COX11: variants seen among roughly 807,000 people sequenced by gnomAD.
The protein encoded by COX11 is cytochrome c oxidase copper chaperone COX11, also known as cytochrome c oxidase assembly protein COX11, mitochondrial.
Under a neutral mutation model 29.4 loss-of-function variants are expected in COX11, and 18 were observed. That is an observed-to-expected ratio of 0.61 (90% confidence interval 0.42 to 0.91). The LOEUF (loss-of-function observed/expected upper bound fraction) is 0.91, where lower values mean the gene tolerates loss of function less well. Among genes scored for constraint, COX11 ranks in the 40% least tolerant of loss-of-function variants. The pLI, the probability that COX11 is intolerant of heterozygous loss-of-function variation, is 0.00. For missense variants in COX11, 312 were observed against 346.0 expected, an observed-to-expected ratio of 0.90 and a Z score of 0.78; for synonymous variants, 131 against 124.0, an observed-to-expected ratio of 1.06 and a Z score of -0.38.
At chr17:54,963,959 A>C (rs2077176261) in intron 2 of COX11, among the ~76,000 whole-genome samples, 1 of 152,128 alleles carries the variant, frequency 6.6e-6, no homozygotes, top group Admixed American at 6.5e-5. Context: ...ACTTGTACCA[A>C]TTCAGCCACT....
chr17:54,968,380 C>A lies in COX11; in HGVS notation c.267G>T (p.Arg89=), dbSNP rs762747744. The A allele has an allele frequency of 9.9e-6, 16 of 1,613,128 alleles. No homozygotes were observed. In the Admixed American group the frequency reaches 2.7e-4, roughly 27 times the overall value. The change falls in exon 1 of 4, where the codon CGG becomes CGT. Residue 89 remains arginine (R), a synonymous_variant. Coordinates refer to ENST00000299335, the MANE Select transcript of COX11 (RefSeq NM_004375.5). ...PFTRAQEEER[R]RQNKTTLTYV... is the part of the protein sequence containing the mutation. ...AAGTGAGGGTCGTCTTGTTCTGCCGCCGCCGCTCCTCCTCCTGCGCGCGTG... is the reference window on the plus strand; with the variant it reads ...AAGTGAGGGTCGTCTTGTTCTGCCGACGCCGCTCCTCCTCCTGCGCGCGTG...
Position 54,961,214 on chromosome 17 carries a change from ATTTTC to A in COX11, c.*1514_*1518del. 1 of 1,470,754 alleles carries A rather than the reference ATTTTC, an allele frequency of 6.8e-7. No homozygotes were observed. 91.1% of individuals were successfully genotyped at this position (1,470,754 alleles called of 1,614,324 possible). On this transcript the variant is annotated 3_prime_UTR_variant, in exon 4 of 4. Transcript: ENST00000299335. ...GAGAAGGACAGGATGAATACTGGCCATTTTCTTCTCTTTATTTTAGAAGAAAGTGG... is the reference window on the plus strand; with the variant it reads ...GAGAAGGACAGGATGAATACTGGCCATTCTCTTTATTTTAGAAGAAAGTGG...
At chr17:54,967,079 G>A (rs1360211703) in intron 1 of COX11, among the ~76,000 whole-genome samples, 1 of 150,382 alleles carries the variant, frequency 6.6e-6, no homozygotes, top group African/African-American at 2.4e-5. Context: ...CACACGGAAA[G>A]AGTGAACTCC....
intron 1 of COX11, 30 bp downstream of exon 1, chr17:54,968,251 C>T: frequency 6.3e-7 from 1 of 1,596,652 alleles, no homozygotes; most frequent in Non-Finnish European, 8.5e-7. Flanking sequence ...CTCGCGTCTG[C>T]GCCACCCTGC....
Position 54,962,152 on chromosome 17 carries a change from A to G in COX11, c.*581T>C. The G allele has an allele frequency of 1.0e-6, 1 of 957,006 alleles. No individual in the cohort carries two copies. The highest frequency in any genetic ancestry group is 1.2e-6 in the Non-Finnish European group (1 of 803,744). 59.3% of individuals were successfully genotyped at this position (957,006 alleles called of 1,614,324 possible). ...AAAGTAATTATTCAGAACTCTGAAT[A>G]TAAAATAGCCCTAAACCTTAAAGGA... On this transcript the variant is annotated 3_prime_UTR_variant, in exon 4 of 4. Coordinates refer to ENST00000299335, the MANE Select transcript of COX11 (RefSeq NM_004375.5).
chr17:54,968,435 G>A lies in COX11; in HGVS notation c.212C>T (p.Pro71Leu), dbSNP rs11553134. 8 of 1,613,422 alleles carry A rather than the reference G, an allele frequency of 5.0e-6. No homozygotes were observed. In the Admixed American group the frequency reaches 5.0e-5, roughly 10 times the overall value. Residue 71 changes from proline to leucine, a missense_variant, in exon 1 of 4, where the codon CCG becomes CTG. Transcript: ENST00000299335. ...LRARHPALQP[P>L]RRPKSSNPFT... ...AGGGTTCGAGCTCTTAGGCCGCCGCGGCGGCTGCAATGCTGGATGCCGGGC... is the reference window on the plus strand; with the variant it reads ...AGGGTTCGAGCTCTTAGGCCGCCGCAGCGGCTGCAATGCTGGATGCCGGGC...
chr17:54,956,606 G>C (rs1433374731), downstream of COX11, among the ~76,000 whole-genome samples: 1 of 151,928 alleles, frequency 6.6e-6, no homozygotes, highest in East Asian at 1.9e-4. Context: ...ACCGTGCCTA[G>C]CCTTTTAATT....
At chr17:54,956,938 T>C (rs1567848354), downstream of COX11, 2 of 152,210 alleles carry the variant, frequency 1.3e-5, no homozygotes, top group Admixed American at 1.3e-4. Flanking sequence ...TCACATGTTA[T>C]GGTAATGAAG....
downstream of COX11, chr17:54,959,545 GAC>G: frequency 6.6e-6 from 1 of 151,418 alleles, no homozygotes; most frequent in East Asian, 1.9e-4. Flanking sequence ...GTACAGAAAT[GAC>G]AGTGATGAGC....
In COX11 at chr17:54,961,190, A is replaced by T; in HGVS notation, c.*1543T>A. 1 of 1,264,038 alleles carries T rather than the reference A, an allele frequency of 7.9e-7. No homozygotes were observed. Among genetic ancestry groups the T allele is most frequent in the South Asian group, 1.3e-5 (1 of 78,356 alleles). 78.3% of individuals were successfully genotyped at this position (1,264,038 alleles called of 1,614,324 possible). A position where few individuals can be genotyped will look rare whatever the true frequency, so the allele number is the denominator to read the frequency against. ...GAGAGTTATCAAGGAATGGGGAAAG[A>T]GAAGGACAGGATGAATACTGGCCAT... On this transcript the variant is annotated 3_prime_UTR_variant, in exon 4 of 4. Transcript: ENST00000299335.
Position 54,962,618 on chromosome 17 carries a change from A to G in COX11, c.*115T>C. On this transcript the variant is annotated 3_prime_UTR_variant, in exon 4 of 4. Coordinates refer to ENST00000299335, the MANE Select transcript of COX11 (RefSeq NM_004375.5). Reference sequence around the variant, plus strand: ...AGTGAAAAAAATTAGTTGAGAAAAAATAATTATTTAAAATATAAGCCTTCA... The same window carrying G: ...AGTGAAAAAAATTAGTTGAGAAAAAGTAATTATTTAAAATATAAGCCTTCA... 1.4e-6 allele frequency: 2 copies of G among 1,382,946 alleles called. No individual in the cohort carries two copies. Among genetic ancestry groups the G allele is most frequent in the Non-Finnish European group, 9.5e-7 (1 of 1,055,554 alleles). 85.7% of individuals were successfully genotyped at this position (1,382,946 alleles called of 1,614,324 possible).
In COX11 at chr17:54,961,272, T is replaced by C. The variant is rs1300106414; in HGVS notation, c.*1461A>G. ...GATCAGCTCACTACCACATCAAAGGTGCCAACTCTCTAAAACGTAGACTCT... is the reference window on the plus strand; with the variant it reads ...GATCAGCTCACTACCACATCAAAGGCGCCAACTCTCTAAAACGTAGACTCT... On this transcript the variant is annotated 3_prime_UTR_variant, in exon 4 of 4. Coordinates refer to ENST00000299335, the MANE Select transcript of COX11 (RefSeq NM_004375.5). 1.3e-6 allele frequency: 2 copies of C among 1,551,440 alleles called. No individual in the cohort carries two copies. The highest frequency in any genetic ancestry group is 1.7e-6 in the Non-Finnish European group (2 of 1,146,798).
At chr17:54,963,591 ATC>A (rs2077169010) in intron 2 of COX11, among the ~76,000 whole-genome samples, 160 bp from the exon 3 acceptor site, 1 of 152,116 alleles carries the variant, frequency 6.6e-6, no homozygotes, top group African/African-American at 2.4e-5. Context: ...CCATAAACAT[ATC>A]TGAGTTTAAA....
intron 1 of COX11, among the ~76,000 whole-genome samples, chr17:54,968,043 A>C (rs1598121775): frequency 8.3e-6 from 1 of 120,418 alleles, no homozygotes; most frequent in Non-Finnish European, 1.6e-5. Flanking sequence ...CAGGGGTTTC[A>C]CTCTGCAGCA....
chr17:54,953,823 T>G (rs2049355441), exon 1 of COX11: 2 of 152,134 alleles, frequency 1.3e-5, no homozygotes, highest in African/African-American at 4.8e-5. Context: ...CTTTTTAGAG[T>G]TTTCTCTGAA....
chr17:54,957,243 T>C (rs2049557895), downstream of COX11: 1 of 152,228 alleles, frequency 6.6e-6, no homozygotes. Flanking sequence ...AATGTAATGG[T>C]TGACTTAATT....
downstream of COX11, chr17:54,958,171 G>A (rs977843090): frequency 2.6e-5 from 4 of 152,244 alleles, no homozygotes; most frequent in South Asian, 2.1e-4. Flanking sequence ...TTAACAGGGA[G>A]CTCAGTACCA....
intron 3 of COX11, 90 bp from the exon 4 acceptor site, chr17:54,963,005 C>A (rs1484245341): frequency 8.6e-7 from 1 of 1,159,060 alleles, no homozygotes; most frequent in Non-Finnish European, 1.2e-6. Context: ...CATTCCAGTA[C>A]ACTTCGTGAT....
At chr17:54,964,911 T>G in intron 1 of COX11, 59 bp from the exon 2 acceptor site, 1 of 1,521,696 alleles carries the variant, frequency 6.6e-7, no homozygotes, top group Non-Finnish European at 9.0e-7. Context: ...ATCTATTTAT[T>G]TGATAAAAGT....
Sources: gnomAD v4.1 joint callset for allele counts (sites outside exome capture counted in the v4.1 genomes callset) on GRCh38, gnomAD v4.1.1 for gene constraint, MANE v1.5 for transcripts, NCBI Gene and HGNC (gene_info 2026-07-23, HGNC 2026-07-21) for gene names.